Variants in TSPAN18 observed in about 807,000 individuals in gnomAD.
The protein encoded by TSPAN18 is tetraspanin 18, also known as tetraspanin-18.
In TSPAN18, 14 loss-of-function variants were observed where a neutral mutation model predicts 27.3. That is an observed-to-expected ratio of 0.51 (90% CI 0.34 to 0.80). TSPAN18 has a LOEUF of 0.80. Among genes scored for constraint, TSPAN18 ranks in the 30% least tolerant of loss-of-function variants. The pLI is 0.01. For synonymous variants in TSPAN18, 143 were observed against 136.5 expected, an observed-to-expected ratio of 1.05 and a Z score of -0.33; for missense variants, 268 against 323.9, an observed-to-expected ratio of 0.83 and a Z score of 1.32.
At chr11:44,907,222 C>T (rs1289706602) in intron 4 of TSPAN18, among the ~76,000 whole-genome samples, 1 of 152,180 alleles carries the variant, frequency 6.6e-6, no homozygotes, top group Admixed American at 6.5e-5. Context: ...GCTGGTGACC[C>T]ACTGAAGGCT....
intron 2 of TSPAN18, among the ~76,000 whole-genome samples, chr11:44,797,065 A>T (rs1856367132): frequency 6.6e-6 from 1 of 152,116 alleles, no homozygotes; most frequent in Non-Finnish European, 1.5e-5. Context: ...GGAGATAAGC[A>T]TCACCTTCCA....
chr11:44,919,237 G>C lies in TSPAN18; in HGVS notation c.357G>C (p.Lys119Asn). ...RENLTREFFT[K>N]ELTKHYQGNN... ...AGCTCACCCGAGAATTCTTCACCAA[G>C]GAGCTCACCAAGCACTACCAGGGCA... The change falls in exon 7 of 10, where the codon AAG becomes AAC. Residue 119 changes from lysine (K) to asparagine (N), a missense_variant. Coordinates refer to ENST00000520358, the MANE Select transcript of TSPAN18 (RefSeq NM_130783.5). The C allele has an allele frequency of 6.2e-7, 1 of 1,614,076 alleles. No homozygotes were observed. The highest frequency in any genetic ancestry group is 8.5e-7 in the Non-Finnish European group (1 of 1,179,968).
chr11:44,762,612 CAT>C (rs1261769072), intron 1 of TSPAN18, among the ~76,000 whole-genome samples: 10 of 151,480 alleles, frequency 6.6e-5, no homozygotes, highest in South Asian at 2.1e-4. Context: ...TATATATACA[CAT>C]ATGTGTGTGT....
At chr11:44,911,637 C>T (rs1315600831) in intron 5 of TSPAN18, among the ~76,000 whole-genome samples, 2 of 152,132 alleles carry the variant, frequency 1.3e-5, no homozygotes, top group Non-Finnish European at 2.9e-5. Flanking sequence ...TCCCCCTCCT[C>T]ACCTCGGCCC....
intron 3 of TSPAN18, among the ~76,000 whole-genome samples, chr11:44,877,281 C>G (rs1858363182): frequency 1.3e-5 from 2 of 152,234 alleles, no homozygotes; most frequent in African/African-American, 4.8e-5. Flanking sequence ...CTTGCCAGTT[C>G]TCCAGCGCTG....
intron 2 of TSPAN18, among the ~76,000 whole-genome samples, chr11:44,792,859 A>C (rs1333928155): frequency 6.6e-6 from 1 of 151,946 alleles, no homozygotes. Flanking sequence ...GCTGGCAGTG[A>C]CCGTGGCTGG....
chr11:44,782,705 A>G (rs1469134460), intron 2 of TSPAN18, among the ~76,000 whole-genome samples: 1 of 152,196 alleles, frequency 6.6e-6, no homozygotes, highest in Non-Finnish European at 1.5e-5. Context: ...TAGACATTCT[A>G]ATAGTTGCGT....
chr11:44,796,211 G>A (rs145039634), intron 2 of TSPAN18, among the ~76,000 whole-genome samples: 356 of 152,304 alleles, frequency 2.3e-3, no homozygotes, highest in African/African-American at 8.0e-3. Context: ...TTTGACAACT[G>A]TAATTTCATT....
chr11:44,765,609 G>A (rs1855551648), intron 2 of TSPAN18, among the ~76,000 whole-genome samples: 1 of 152,230 alleles, frequency 6.6e-6, no homozygotes, highest in East Asian at 1.9e-4. Context: ...AGAAAACCAG[G>A]CCTCAGAGAA....
intron 2 of TSPAN18, among the ~76,000 whole-genome samples, chr11:44,800,510 G>A (rs1050476117): frequency 9.9e-5 from 15 of 152,202 alleles, no homozygotes; most frequent in Middle Eastern, 3.2e-3. Context: ...GGGTAAGAAC[G>A]GGCCACCTGG....
At chr11:44,920,217 G>A (rs1430474332) in intron 8 of TSPAN18, among the ~76,000 whole-genome samples, 2 of 152,196 alleles carry the variant, frequency 1.3e-5, no homozygotes, top group African/African-American at 4.8e-5. Context: ...GGATGACAGT[G>A]GCAGATGGTC....
At chr11:44,898,587 G>A (rs749965764) in intron 3 of TSPAN18, among the ~76,000 whole-genome samples, 4 of 152,252 alleles carry the variant, frequency 2.6e-5, no homozygotes, top group African/African-American at 9.6e-5. Flanking sequence ...GGAAGCCCAA[G>A]GTCAAGCAGC....
intron 7 of TSPAN18, 187 bp from the exon 8 acceptor site, chr11:44,919,630 A>C: frequency 4.6e-6 from 3 of 656,236 alleles, no homozygotes; most frequent in Non-Finnish European, 8.1e-6. Context: ...TCTGTTATAG[A>C]GATGAGGACA....
intron 3 of TSPAN18, among the ~76,000 whole-genome samples, chr11:44,888,564 C>G (rs1226181490): frequency 1.3e-5 from 2 of 152,226 alleles, no homozygotes; most frequent in Non-Finnish European, 2.9e-5. Context: ...AGCAGCGAGT[C>G]CAGAGTCACC....
At chr11:44,846,814 T>C (rs1262562265) in intron 2 of TSPAN18, among the ~76,000 whole-genome samples, 1 of 152,204 alleles carries the variant, frequency 6.6e-6, no homozygotes, top group Non-Finnish European at 1.5e-5. Flanking sequence ...ATTTGAGGAA[T>C]CCTGCTGAAC....
chr11:44,749,260 C>T (rs1043982824), intron 1 of TSPAN18, among the ~76,000 whole-genome samples: 2 of 152,248 alleles, frequency 1.3e-5, no homozygotes, highest in African/African-American at 2.4e-5. Flanking sequence ...TCAGGTTCCC[C>T]ATTTGCGAAA....
chr11:44,907,059 A>C (rs1210519834), intron 4 of TSPAN18, among the ~76,000 whole-genome samples: 1 of 152,228 alleles, frequency 6.6e-6, no homozygotes, highest in Non-Finnish European at 1.5e-5. Flanking sequence ...AAGCAAGATT[A>C]GTTTACAAAG....
chr11:44,888,211 G>A (rs547919635), intron 3 of TSPAN18, among the ~76,000 whole-genome samples: 34 of 152,250 alleles, frequency 2.2e-4, no homozygotes, highest in Non-Finnish European at 4.0e-4. Context: ...GCAGGTGCCC[G>A]GGACTTTAGC....
intron 1 of TSPAN18, among the ~76,000 whole-genome samples, chr11:44,756,980 C>T (rs1183206882): frequency 1.3e-5 from 2 of 152,140 alleles, no homozygotes; most frequent in Non-Finnish European, 2.9e-5. Context: ...ACGATGTTTG[C>T]TGTTTGCTGT....
Sources: gnomAD v4.1 joint callset for allele counts (sites outside exome capture counted in the v4.1 genomes callset) on GRCh38, gnomAD v4.1.1 for gene constraint, MANE v1.5 for transcripts, NCBI Gene and HGNC (gene_info 2026-07-23, HGNC 2026-07-21) for gene names.